ATRNL1: variants seen among roughly 807,000 people sequenced by gnomAD.
The protein encoded by ATRNL1 is attractin like 1.
A neutral mutation model predicts 182.7 loss-of-function variants in ATRNL1; 95 were observed. The observed-to-expected ratio is 0.52, with a 90% CI of 0.44 to 0.62. The LOEUF (loss-of-function observed/expected upper bound fraction) is 0.62, where lower values mean the gene tolerates loss of function less well. Among genes scored for constraint, ATRNL1 ranks in the 20% least tolerant of loss-of-function variants. The pLI is 0.00. For synonymous variants in ATRNL1, 576 were observed against 568.3 expected (o/e 1.01, Z -0.19); for missense variants, 1,471 against 1,679.5 (o/e 0.88, Z 2.17).
intron 24 of ATRNL1, among the ~76,000 whole-genome samples, chr10:115,495,951 A>G (rs1462625498): frequency 6.6e-6 from 1 of 152,112 alleles, no homozygotes; most frequent in Non-Finnish European, 1.5e-5. Context: ...TTGTGTGGTT[A>G]TGTACATCTG....
At chr10:115,716,591 A>T (rs1269474494) in intron 26 of ATRNL1, among the ~76,000 whole-genome samples, 4 of 152,158 alleles carry the variant, frequency 2.6e-5, no homozygotes, top group Non-Finnish European at 4.4e-5. Context: ...TCCCAGAATC[A>T]GGGAGAAAAG....
At chr10:115,827,040 T>C (rs1555092210) in intron 27 of ATRNL1, among the ~76,000 whole-genome samples, 1 of 152,104 alleles carries the variant, frequency 6.6e-6, no homozygotes, top group Non-Finnish European at 1.5e-5. Context: ...AGCTACATAT[T>C]ATCAAAATGT....
chr10:115,746,380 A>G (rs896819032), intron 27 of ATRNL1, among the ~76,000 whole-genome samples: 14 of 152,226 alleles, frequency 9.2e-5, no homozygotes, highest in African/African-American at 3.1e-4. Flanking sequence ...TTTACTAGGT[A>G]TGATATTCCA....
chr10:115,409,617 G>A (rs1431857485), intron 20 of ATRNL1, among the ~76,000 whole-genome samples: 1 of 152,064 alleles, frequency 6.6e-6, no homozygotes, highest in African/African-American at 2.4e-5. Flanking sequence ...GGATAAGCAT[G>A]GTGAGAGTGG....
chr10:115,852,484 T>A (rs916541259), intron 28 of ATRNL1, among the ~76,000 whole-genome samples: 16 of 151,990 alleles, frequency 1.1e-4, no homozygotes, highest in African/African-American at 3.9e-4. Context: ...TATTAAGCGC[T>A]TTATGTATTC....
At chr10:115,915,085 G>A (rs1382316709) in intron 28 of ATRNL1, among the ~76,000 whole-genome samples, 1 of 152,144 alleles carries the variant, frequency 6.6e-6, no homozygotes, top group African/African-American at 2.4e-5. Context: ...GTTTGTAAAT[G>A]TCTTGATGAT....
At chr10:115,591,489 C>T (rs1013991746) in intron 26 of ATRNL1, among the ~76,000 whole-genome samples, 1 of 152,162 alleles carries the variant, frequency 6.6e-6, no homozygotes, top group African/African-American at 2.4e-5. Flanking sequence ...ATAAAACTCT[C>T]TGAGGGAGAT....
intron 28 of ATRNL1, among the ~76,000 whole-genome samples, chr10:115,849,780 G>C (rs1276233094): frequency 1.3e-5 from 2 of 152,134 alleles, no homozygotes; most frequent in African/African-American, 4.8e-5. Context: ...GGATACTAGA[G>C]TATAGAGCAA....
intron 19 of ATRNL1, among the ~76,000 whole-genome samples, chr10:115,387,703 G>T (rs1268468594): frequency 6.6e-6 from 1 of 152,040 alleles, no homozygotes; most frequent in Admixed American, 6.6e-5. Context: ...AATCTTTTGT[G>T]TTTGGCTTTT....
At chr10:115,542,688 T>G in intron 25 of ATRNL1, among the ~76,000 whole-genome samples, 1 of 152,166 alleles carries the variant, frequency 6.6e-6, no homozygotes, top group East Asian at 1.9e-4. Context: ...AGTGTCTTAG[T>G]GTGCTTGGGC....
At chr10:115,101,631 G>C (rs1554864602) in intron 1 of ATRNL1, among the ~76,000 whole-genome samples, 1 of 152,088 alleles carries the variant, frequency 6.6e-6, no homozygotes, top group African/African-American at 2.4e-5. Flanking sequence ...TTTTGTATCT[G>C]TGTTCATGAG....
intron 26 of ATRNL1, among the ~76,000 whole-genome samples, chr10:115,621,884 C>A (rs953080056): frequency 6.6e-6 from 1 of 152,070 alleles, no homozygotes; most frequent in East Asian, 1.9e-4. Flanking sequence ...AAGAGAAATG[C>A]GGGTTCCTTA....
chr10:115,473,130 T>C (rs1200105771), intron 24 of ATRNL1, among the ~76,000 whole-genome samples: 1 of 151,324 alleles, frequency 6.6e-6, no homozygotes, highest in African/African-American at 2.4e-5. Flanking sequence ...ATTCTGTTAA[T>C]GTGGTATATC....
chr10:115,623,480 A>C (rs1452591991), intron 26 of ATRNL1, among the ~76,000 whole-genome samples: 1 of 152,188 alleles, frequency 6.6e-6, no homozygotes, highest in African/African-American at 2.4e-5. Context: ...TGAAGTATGG[A>C]AAAAGCACTA....
chr10:115,562,694 T>C (rs1328679434), intron 26 of ATRNL1, among the ~76,000 whole-genome samples: 1 of 152,160 alleles, frequency 6.6e-6, no homozygotes, highest in Non-Finnish European at 1.5e-5. Flanking sequence ...CACTGGGCAC[T>C]CATTCTCTCT....
intron 26 of ATRNL1, among the ~76,000 whole-genome samples, chr10:115,720,087 G>A (rs532096363): frequency 1.5e-3 from 223 of 151,968 alleles, no homozygotes; most frequent in African/African-American, 4.4e-3. Context: ...GGCCTTGAAC[G>A]CCTGACCTCA....
intron 27 of ATRNL1, among the ~76,000 whole-genome samples, chr10:115,827,308 C>A (rs1452737015): frequency 2.6e-5 from 4 of 152,232 alleles, no homozygotes; most frequent in Admixed American, 2.0e-4. Flanking sequence ...ACACCCCCTG[C>A]AAACTGTTTC....
At chr10:115,279,961 C>T (rs1431191983) in intron 13 of ATRNL1, among the ~76,000 whole-genome samples, 1 of 152,158 alleles carries the variant, frequency 6.6e-6, no homozygotes, top group Non-Finnish European at 1.5e-5. Context: ...TTAGGGGCCA[C>T]AGTAGAGAAG....
chr10:115,313,743 A>G (rs1854153733), intron 17 of ATRNL1, among the ~76,000 whole-genome samples: 1 of 151,960 alleles, frequency 6.6e-6, no homozygotes, highest in South Asian at 2.1e-4. Context: ...CTGTATAACA[A>G]TATTAGAAAA....
Sources: allele counts gnomAD v4.1 joint callset (sites outside exome capture counted in the v4.1 genomes callset), GRCh38; gene constraint gnomAD v4.1.1; transcripts MANE v1.5; gene names NCBI Gene and HGNC (gene_info 2026-07-23, HGNC 2026-07-21).